SPOCK1: variants seen among roughly 807,000 people sequenced by gnomAD.
SPOCK1 encodes testican-1.
A neutral mutation model predicts 55.3 loss-of-function variants in SPOCK1; 23 were observed. The observed-to-expected ratio is 0.42, with a 90% CI of 0.30 to 0.59. SPOCK1 has a LOEUF of 0.59. Among genes scored for constraint, SPOCK1 ranks in the 20% least tolerant of loss-of-function variants. The pLI is 0.22. For missense variants in SPOCK1, 499 were observed against 552.5 expected (o/e 0.90, Z 0.97); for synonymous variants, 226 against 221.0 (o/e 1.02, Z -0.20).
At chr5:137,398,277 C>T (rs763182188) in intron 2 of SPOCK1, among the ~76,000 whole-genome samples, 13 of 152,082 alleles carry the variant, frequency 8.5e-5, no homozygotes, top group Non-Finnish European at 7.4e-5. Flanking sequence ...ATAATTGGTG[C>T]CTAGAGACTA....
chr5:137,478,095 T>C (rs1753872478), intron 2 of SPOCK1, among the ~76,000 whole-genome samples: 1 of 152,138 alleles, frequency 6.6e-6, no homozygotes, highest in African/African-American at 2.4e-5. Flanking sequence ...GTAATGGGAT[T>C]TTCTAGCAGA....
At chr5:137,029,474 T>A (rs1751737173) in intron 6 of SPOCK1, among the ~76,000 whole-genome samples, 1 of 152,218 alleles carries the variant, frequency 6.6e-6, no homozygotes, top group Non-Finnish European at 1.5e-5. Flanking sequence ...GCAATTTATT[T>A]ATCCATTTTA....
chr5:137,036,865 G>A (rs1180262322), intron 6 of SPOCK1, among the ~76,000 whole-genome samples: 1 of 152,130 alleles, frequency 6.6e-6, no homozygotes, highest in Non-Finnish European at 1.5e-5. Flanking sequence ...CAGAAGGAAA[G>A]GTGAGACAGT....
chr5:137,321,677 G>A (rs1003265158), intron 2 of SPOCK1, among the ~76,000 whole-genome samples: 5 of 151,996 alleles, frequency 3.3e-5, no homozygotes, highest in African/African-American at 9.7e-5. Flanking sequence ...AGTTCAAGAC[G>A]AGCTTATCCA....
intron 6 of SPOCK1, among the ~76,000 whole-genome samples, chr5:137,013,173 T>C (rs533082060): frequency 6.6e-6 from 1 of 152,342 alleles, no homozygotes; most frequent in Admixed American, 6.5e-5. Flanking sequence ...TGTTTTCTAA[T>C]TTTCTACAAT....
In SPOCK1 at chr5:136,977,973, A is replaced by G. The variant is rs1195451032; in HGVS notation, c.*681T>C. The G allele has an allele frequency of 5.0e-6, 2 of 398,844 alleles. No homozygotes were observed. The highest frequency in any genetic ancestry group is 8.8e-6 in the Non-Finnish European group (2 of 226,028). The allele number at this position is 398,844 out of a possible 1,614,324, so 24.7% of individuals were successfully genotyped here. A position where few individuals can be genotyped will look rare whatever the true frequency, so the allele number is the denominator to read the frequency against. On this transcript the variant is annotated 3_prime_UTR_variant, in exon 11 of 11. Transcript: ENST00000394945. ...AGAGGTATGGGTGTGTGTGCAAGGC[A>G]CACACATACAGTCTTTCTGTACATG...
intron 2 of SPOCK1, among the ~76,000 whole-genome samples, chr5:137,320,301 T>C (rs115555894): frequency 2.0e-5 from 3 of 152,184 alleles, no homozygotes; most frequent in Admixed American, 2.0e-4. Context: ...GGATGCCTGG[T>C]ATCCACAGAG....
At chr5:137,084,639 A>C (rs887229059) in intron 5 of SPOCK1, among the ~76,000 whole-genome samples, 16 of 152,262 alleles carry the variant, frequency 1.1e-4, no homozygotes, top group African/African-American at 3.4e-4. Context: ...TGAAAAAGGA[A>C]TGCTCTGTTA....
chr5:137,039,210 T>C (rs1339069313), intron 6 of SPOCK1, among the ~76,000 whole-genome samples: 1 of 151,590 alleles, frequency 6.6e-6, no homozygotes, highest in Non-Finnish European at 1.5e-5. Context: ...TTAAAAGTGA[T>C]TTAACTAGTA....
At chr5:137,160,578 A>ATATATAATATAT (rs1754519950) in intron 3 of SPOCK1, among the ~76,000 whole-genome samples, 4 of 47,074 alleles carry the variant, frequency 8.5e-5, no homozygotes, top group Admixed American at 3.6e-4. Flanking sequence ...ATATTATATA[A>ATATATAATATAT]TATATATAAT....
intron 6 of SPOCK1, among the ~76,000 whole-genome samples, chr5:137,052,738 T>C (rs1432134441): frequency 6.6e-6 from 1 of 152,314 alleles, no homozygotes; most frequent in African/African-American, 2.4e-5. Flanking sequence ...TATGGGAATA[T>C]AATTAAGTAT....
chr5:137,324,636 T>C (rs1758041446), intron 2 of SPOCK1, among the ~76,000 whole-genome samples: 2 of 151,804 alleles, frequency 1.3e-5, no homozygotes, highest in African/African-American at 4.8e-5. Context: ...AGAAGAAAAA[T>C]GGAGCTGCTA....
At chr5:137,107,003 G>A (rs752726018) in intron 5 of SPOCK1, among the ~76,000 whole-genome samples, 1 of 152,022 alleles carries the variant, frequency 6.6e-6, no homozygotes, top group Non-Finnish European at 1.5e-5. Flanking sequence ...TCTTACTCTG[G>A]TTGACTCTTT....
rs542668746 is a variant in SPOCK1 at position 137,133,674 on chromosome 5, G to A, written c.347+6906C>T. Among the ~76,000 whole-genome samples, 10 of 152,166 alleles carry A rather than the reference G, an allele frequency of 6.6e-5. 2 individuals carry two copies. The highest frequency in any genetic ancestry group is 2.4e-4 in the African/African-American group (10 of 41,512). On this transcript the variant is annotated intron_variant, in intron 4 of 10. Coordinates refer to ENST00000394945, the MANE Select transcript of SPOCK1 (RefSeq NM_004598.4). ...CAGCTAGGTCCTTAACCTGAGCACA[G>A]CCATAAAGTGATTCTGCTGTTTAAA...
At chr5:137,188,281 G>T (rs557174219) in intron 3 of SPOCK1, among the ~76,000 whole-genome samples, 23 of 152,270 alleles carry the variant, frequency 1.5e-4, no homozygotes, top group African/African-American at 5.1e-4. Context: ...ATCTTATGGC[G>T]CTTTGCTTAT....
At chr5:137,006,399 T>C (rs1027788781) in intron 6 of SPOCK1, among the ~76,000 whole-genome samples, 10 of 152,172 alleles carry the variant, frequency 6.6e-5, no homozygotes, top group Non-Finnish European at 1.2e-4. Context: ...GGTTTATAGT[T>C]CTCCTTGAAG....
At chr5:137,338,353 C>T (rs1366685105) in intron 2 of SPOCK1, among the ~76,000 whole-genome samples, 1 of 152,044 alleles carries the variant, frequency 6.6e-6, no homozygotes, top group African/African-American at 2.4e-5. Context: ...GGAACTCATC[C>T]TTTTTTATGG....
chr5:137,317,831 A>G (rs1242098367), intron 2 of SPOCK1, among the ~76,000 whole-genome samples: 2 of 152,172 alleles, frequency 1.3e-5, no homozygotes, highest in African/African-American at 4.8e-5. Flanking sequence ...CTCTTATTTT[A>G]CTCCATCAGA....
intron 2 of SPOCK1, among the ~76,000 whole-genome samples, chr5:137,271,130 CAG>C (rs1280406801): frequency 1.3e-5 from 2 of 151,972 alleles, no homozygotes; most frequent in African/African-American, 2.4e-5. Flanking sequence ...GAGGAAGAAA[CAG>C]AGACTGGTAG....
Sources: allele counts gnomAD v4.1 joint callset (sites outside exome capture counted in the v4.1 genomes callset), GRCh38; gene constraint gnomAD v4.1.1; transcripts MANE v1.5; gene names NCBI Gene and HGNC (gene_info 2026-07-23, HGNC 2026-07-21).